The following ADPRM variants were observed in gnomAD, a reference collection of about 807,000 sequenced individuals.
The protein encoded by ADPRM is ADP-ribose/CDP-alcohol diphosphatase, manganese dependent, also known as manganese-dependent ADP-ribose/CDP-alcohol diphosphatase.
A neutral mutation model predicts 27.2 loss-of-function variants in ADPRM; 17 were observed. The observed-to-expected ratio is 0.63, with a 90% confidence interval of 0.43 to 0.94. The LOEUF (loss-of-function observed/expected upper bound fraction) is 0.94, where lower values mean the gene tolerates loss of function less well. Ranked by LOEUF, ADPRM falls within the 40% of genes least tolerant of loss-of-function variation. The pLI is 0.00. For synonymous variants in ADPRM, 135 were observed against 145.3 expected, an observed-to-expected ratio of 0.93 and a Z score of 0.51; for missense variants, 337 against 412.8, an observed-to-expected ratio of 0.82 and a Z score of 1.59.
At chr17:10,698,649 A>G (rs1202518153) in intron 1 of ADPRM, among the ~76,000 whole-genome samples, 2 of 152,332 alleles carry the variant, frequency 1.3e-5, no homozygotes, top group East Asian at 3.9e-4. Context: ...TGAGTTAGCC[A>G]AACTAGCCAA....
At chr17:10,698,931 A>T (rs2074755474) in intron 1 of ADPRM, 1 of 152,224 alleles carries the variant, frequency 6.6e-6, no homozygotes, top group South Asian at 2.1e-4. Context: ...GGCAGATAGC[A>T]TACAAAATTA....
At chr17:10,698,066 A>G (rs531377881) in intron 1 of ADPRM, 1 of 155,098 alleles carries the variant, frequency 6.4e-6, no homozygotes, top group South Asian at 1.9e-4. Context: ...CTTAAAAAAA[A>G]TTGCTAATTA....
At chr17:10,708,918 C>G (rs1158490454) in intron 3 of ADPRM, among the ~76,000 whole-genome samples, 1 of 152,170 alleles carries the variant, frequency 6.6e-6, no homozygotes, top group African/African-American at 2.4e-5. Context: ...TGTGTTCTTC[C>G]CTTTTCTTTT....
At chr17:10,706,586 A>G (rs1387947072) in intron 3 of ADPRM, 32 bp downstream of exon 3, 3 of 1,430,828 alleles carry the variant, frequency 2.1e-6, no homozygotes, top group Admixed American at 5.1e-5. Context: ...TTACACTAAC[A>G]TTTTAGAGAT....
chr17:10,704,638 C>T (rs1393950408), intron 1 of ADPRM, among the ~76,000 whole-genome samples: 1 of 152,026 alleles, frequency 6.6e-6, no homozygotes, highest in Non-Finnish European at 1.5e-5. Flanking sequence ...GCTTTATTAG[C>T]ATTAGAATGT....
In ADPRM at chr17:10,705,860, A is replaced by G. The variant is rs920240117; in HGVS notation, c.601+333A>G. ...GACAGATGATAAATGAAACAGAAAC[A>G]AGATTATTTCCACGGTCGTAAGTGC... On this transcript the variant is annotated intron_variant, in intron 2 of 3. Transcript: ENST00000379774. The surrounding 1 kb of genome is among the most constrained non-coding windows in gnomAD (Gnocchi z 5.4). 11 of 312,426 alleles carry G rather than the reference A, an allele frequency of 3.5e-5. No individual in the cohort carries two copies. In the South Asian group the frequency reaches 4.5e-4, roughly 13 times the overall value. The allele number at this position is 312,426 out of a possible 1,614,324, so 19.4% of individuals were successfully genotyped here. A position where few individuals can be genotyped will look rare whatever the true frequency, so the allele number is the denominator to read the frequency against.
At chr17:10,700,766 G>GA (rs571890298) in intron 1 of ADPRM, among the ~76,000 whole-genome samples, 5,527 of 112,244 alleles carry the variant, frequency 0.049, 131 homozygotes, top group Non-Finnish European at 0.055. Flanking sequence ...CCTGTCTCAG[G>GA]AAAAAAAAAA....
rs1050182804 is a variant in ADPRM at position 10,706,466 on chromosome 17, T to C, written c.630T>C (p.Phe210=). 2 of 1,600,262 alleles carry C rather than the reference T, an allele frequency of 1.2e-6. No homozygotes were observed. Among genetic ancestry groups the C allele is most frequent in the Non-Finnish European group, 1.7e-6 (2 of 1,175,290 alleles). The change falls in exon 3 of 4, where the codon TTT becomes TTC. Residue 210 remains phenylalanine (F), a synonymous_variant. Coordinates refer to ENST00000379774, the MANE Select transcript of ADPRM (RefSeq NM_020233.5). ...TTTCTGAGCCCCAGTTTGTCCAGTT[T>C]AATGGAGGATTCAGCCAAGAACAGC... ...QGLSEPQFVQ[F]NGGFSQEQLN...
chr17:10,697,725 G>A (rs2074743691), intron 1 of ADPRM, 58 bp downstream of exon 1: 5 of 648,252 alleles, frequency 7.7e-6, no homozygotes, highest in East Asian at 2.8e-5. Context: ...GTGCTGCGGG[G>A]CCGCGGGACA....
Position 10,705,406 on chromosome 17 carries a change from C to A in ADPRM, c.480C>A (p.Phe160Leu), listed in dbSNP as rs777751083. 1 of 1,614,050 alleles carries A rather than the reference C, an allele frequency of 6.2e-7. No homozygotes were observed. Among genetic ancestry groups the A allele is most frequent in the East Asian group, 2.2e-5 (1 of 44,870 alleles). ...YHFVPFPKFR[F>L]ILLDAYDLSV... The stretch of plus-strand genomic sequence containing the variant: ...TTGTACCATTCCCTAAATTCCGGTT[C>A]ATTTTACTTGATGCATATGACTTGA... The change falls in exon 2 of 4, where the codon TTC becomes TTA. Residue 160 changes from phenylalanine to leucine, a missense_variant. Transcript: ENST00000379774. This position sits in a 1 kb window ranked among gnomAD's most constrained non-coding sequence, Gnocchi z 5.4.
At chr17:10,709,841 C>G (rs2074839573) in intron 3 of ADPRM, among the ~76,000 whole-genome samples, 1 of 152,196 alleles carries the variant, frequency 6.6e-6, no homozygotes, top group Non-Finnish European at 1.5e-5. Flanking sequence ...GTGAGCTGTA[C>G]TTCAGAGTGA....
chr17:10,705,595 G>T lies in ADPRM; in HGVS notation c.601+68G>T. On this transcript the variant is annotated intron_variant, in intron 2 of 3. Transcript: ENST00000379774. This position sits in a 1 kb window ranked among gnomAD's most constrained non-coding sequence, Gnocchi z 5.4. The stretch of plus-strand genomic sequence containing the variant: ...AAATTCTTCAGCTACCTTTTATTCA[G>T]CAGGAAGATGGACAATTAAGGTAAA... The T allele has an allele frequency of 6.4e-7, 1 of 1,557,380 alleles. No homozygotes were observed. The highest frequency in any genetic ancestry group is 8.6e-7 in the Non-Finnish European group (1 of 1,156,244).
chr17:10,708,024 T>C (rs407647), intron 3 of ADPRM, among the ~76,000 whole-genome samples: 75,627 of 151,868 alleles, frequency 0.5, 19,623 homozygotes, highest in African/African-American at 0.65. Context: ...GACTGAGAGC[T>C]GGAAGGACAG....
At chr17:10,706,663 G>A in intron 3 of ADPRM, 109 bp downstream of exon 3, 2 of 690,944 alleles carry the variant, frequency 2.9e-6, no homozygotes, top group East Asian at 3.5e-5. Flanking sequence ...TCTATAAAAT[G>A]GACACTTAGT....
rs771649830 is a variant in ADPRM at position 10,705,292 on chromosome 17, A to T, written c.366A>T (p.Thr122=). 2 of 1,613,944 alleles carry T rather than the reference A, an allele frequency of 1.2e-6. No homozygotes were observed. The highest frequency in any genetic ancestry group is 2.7e-5 in the African/African-American group (2 of 74,946). ...ATAACTTCAGTAGAGAGTATTTAAC[A>T]CACTCTAAACTTAACACTAAGTTTC... ...EFYNFSREYL[T]HSKLNTKFLE... Residue 122 remains threonine (T), a synonymous_variant, in exon 2 of 4, where the codon ACA becomes ACT. Transcript: ENST00000379774. This position sits in a 1 kb window ranked among gnomAD's most constrained non-coding sequence, Gnocchi z 5.4.
chr17:10,708,443 A>AG (rs2074829094), intron 3 of ADPRM, among the ~76,000 whole-genome samples: 1 of 150,358 alleles, frequency 6.7e-6, no homozygotes, highest in Non-Finnish European at 1.5e-5. Context: ...AAAAAAAAAA[A>AG]AAAAAAACCT....
intron 1 of ADPRM, chr17:10,697,891 AAC>A (rs1295098618): frequency 6.9e-6 from 2 of 289,060 alleles, no homozygotes; most frequent in Non-Finnish European, 1.3e-5. Flanking sequence ...CGGAAGAGAG[AAC>A]ACACTGCCTA....
At chr17:10,699,036 T>C (rs1168405877) in intron 1 of ADPRM, 1 of 152,230 alleles carries the variant, frequency 6.6e-6, no homozygotes, top group Non-Finnish European at 1.5e-5. Flanking sequence ...TAAATTTTAT[T>C]TGCTAAAGTG....
In ADPRM at chr17:10,705,667, C is replaced by T; in HGVS notation, c.601+140C>T. On this transcript the variant is annotated intron_variant, in intron 2 of 3. Transcript: ENST00000379774. This position sits in a 1 kb window ranked among gnomAD's most constrained non-coding sequence, Gnocchi z 5.4. The stretch of plus-strand genomic sequence containing the variant: ...GGTCAGGATTTCTCACAAGCCTTCT[C>T]ACATGGATTGGTTACAGTTGATTCA... The T allele has an allele frequency of 7.7e-7, 1 of 1,305,926 alleles. No individual in the cohort carries two copies. The highest frequency in any genetic ancestry group is 1.0e-6 in the Non-Finnish European group (1 of 977,876). The allele number at this position is 1,305,926 out of a possible 1,614,324, so 80.9% of individuals were successfully genotyped here. A position where few individuals can be genotyped will look rare whatever the true frequency, so the allele number is the denominator to read the frequency against.
Sources: allele counts gnomAD v4.1 joint callset (sites outside exome capture counted in the v4.1 genomes callset), GRCh38; gene constraint gnomAD v4.1.1; non-coding constraint Gnocchi (gnomAD v3.1); transcripts MANE v1.5; gene names NCBI Gene and HGNC (gene_info 2026-07-23, HGNC 2026-07-21).